The following EPX variants were observed in gnomAD, a reference collection of about 807,000 sequenced individuals.
EPX encodes the protein eosinophil peroxidase.
A neutral mutation model predicts 73.0 loss-of-function variants in EPX; 60 were observed. The ratio of observed to expected loss-of-function variants is 0.82; its 90% CI spans 0.67 to 1.02. The LOEUF (loss-of-function observed/expected upper bound fraction) is 1.02, where lower values mean the gene tolerates loss of function less well. Ranked by LOEUF, EPX falls within the 50% of genes least tolerant of loss-of-function variation. The pLI, the probability that EPX is intolerant of heterozygous loss-of-function variation, is 0.00. For missense variants in EPX, 950 were observed against 973.9 expected (o/e 0.98, Z 0.33); for synonymous variants, 347 against 389.2 (o/e 0.89, Z 1.28).
Position 58,199,544 on chromosome 17 carries a change from C to G in EPX, c.1287C>G (p.Ile429Met). The change falls in exon 9 of 13, where the codon ATC (isoleucine) becomes ATG (methionine). Residue 429 changes from isoleucine to methionine, a missense_variant. Coordinates refer to ENST00000225371, the MANE Select transcript of EPX (RefSeq NM_000502.6). ...RKIMGAMVQI[I>M]TYRDFLPLVL... ...CCTCCTGTCTTCCCTTCCAGATCAT[C>G]ACCTACCGAGACTTTCTGCCCCTGG... 1.9e-6 allele frequency: 3 copies of G among 1,614,204 alleles called. No homozygotes were observed. Among genetic ancestry groups the G allele is most frequent in the Non-Finnish European group, 2.5e-6 (3 of 1,180,046 alleles).
At position 58,200,380 on chromosome 17, in the gene EPX, G is replaced by A; in HGVS notation, c.1693G>A (p.Asp565Asn). 1 of 1,614,146 alleles carries A rather than the reference G, an allele frequency of 6.2e-7. No individual in the cohort carries two copies. Among genetic ancestry groups the A allele is most frequent in the Non-Finnish European group, 8.5e-7 (1 of 1,180,034 alleles). ...AGCTCTCAACATGCAACGAAGCCGG[G>A]ACCACGGCCTTCCAGGTGAGGGGGC... ...LAALNMQRSR[D>N]HGLPGYNAWR... The change falls in exon 10 of 13, where the codon GAC (aspartate) becomes AAC (asparagine). Residue 565 changes from aspartate (D) to asparagine (N), a missense_variant. Asp to Asn is a conservative substitution (Grantham distance 23). Coordinates refer to ENST00000225371, the MANE Select transcript of EPX (RefSeq NM_000502.6).
chr17:58,203,807 CT>C (rs1166323366), intron 11 of EPX, among the ~76,000 whole-genome samples: 2 of 149,758 alleles, frequency 1.3e-5, no homozygotes, highest in African/African-American at 4.9e-5. Flanking sequence ...TGGCGGGCGC[CT>C]GTAGTCCCGG....
In EPX at chr17:58,194,069, C is replaced by G. The variant is rs903413866; in HGVS notation, c.571C>G (p.Arg191Gly). Reference sequence around the variant, plus strand: ...CTTCGGCTGGACCCCCAGCAGGAGGCGCAATGGCTTCCTTCTCCCTCTTGT... The same window carrying G: ...CTTCGGCTGGACCCCCAGCAGGAGGGGCAATGGCTTCCTTCTCCCTCTTGT... ...LPFGWTPSRR[R>G]NGFLLPLVRA... Residue 191 changes from arginine (R) to glycine (G), a missense_variant, in exon 5 of 13, where the codon CGC (arginine) becomes GGC (glycine). Arg to Gly is a moderately radical substitution (Grantham distance 125, BLOSUM62 -2). Transcript: ENST00000225371. 6.2e-7 allele frequency: 1 copy of G among 1,613,448 alleles called. No homozygotes were observed. The highest frequency in any genetic ancestry group is 8.5e-7 in the Non-Finnish European group (1 of 1,179,992).
At chr17:58,197,580 T>C (rs959550194) in intron 7 of EPX, among the ~76,000 whole-genome samples, 4 of 152,218 alleles carry the variant, frequency 2.6e-5, no homozygotes, top group Non-Finnish European at 5.9e-5. Flanking sequence ...CTATTCCCCT[T>C]AATCATGCTT....
chr17:58,197,557 A>G (rs941504689), intron 7 of EPX, among the ~76,000 whole-genome samples: 2 of 152,146 alleles, frequency 1.3e-5, no homozygotes, highest in African/African-American at 4.8e-5. Context: ...CCTTATTTTG[A>G]TCACATATTC....
In EPX at chr17:58,199,744, A is replaced by G. The variant is rs1968313931; in HGVS notation, c.1487A>G (p.His496Arg). Residue 496 changes from histidine to arginine, a missense_variant, in exon 9 of 13, where the codon CAT becomes CGT. Transcript: ENST00000225371. ...SQYRASAPNS[H>R]VPLSSAFFAS... ...TACCGGGCCTCCGCACCCAACTCGC[A>G]TGTCCCACTTAGCTCTGCCTTCTTT... 4 of 1,613,490 alleles carry G rather than the reference A, an allele frequency of 2.5e-6. No homozygotes were observed. The highest frequency in any genetic ancestry group is 3.4e-6 in the Non-Finnish European group (4 of 1,179,998).
At chr17:58,199,267 A>T in intron 8 of EPX, 67 bp downstream of exon 8, 1 of 1,529,440 alleles carries the variant, frequency 6.5e-7, no homozygotes, top group South Asian at 1.1e-5. Flanking sequence ...TCCTTAACAC[A>T]TCCTTGCGGA....
At position 58,197,146 on chromosome 17, in the gene EPX, A is replaced by G. The variant is rs1222374075; in HGVS notation, c.1009A>G (p.Ile337Val). The change falls in exon 7 of 13, where the codon ATC (isoleucine) becomes GTC (valine). Residue 337 changes from isoleucine (I) to valine (V), a missense_variant. Ile to Val is a conservative substitution (Grantham distance 29). Coordinates refer to ENST00000225371, the MANE Select transcript of EPX (RefSeq NM_000502.6). Reference protein sequence around the residue: ...NRTNYLGLLAINQRFQDNGRA... With the variant: ...NRTNYLGLLAVNQRFQDNGRA... ...GACCAACTACCTGGGGCTGCTGGCC[A>G]TCAACCAGCGCTTTCAAGACAACGG... The G allele has an allele frequency of 1.9e-6, 3 of 1,614,140 alleles. No individual in the cohort carries two copies. Among genetic ancestry groups the G allele is most frequent in the African/African-American group, 1.3e-5 (1 of 75,016 alleles).
At position 58,193,421 on chromosome 17, in the gene EPX, C is replaced by A; in HGVS notation, c.221C>A (p.Ser74Tyr). The A allele has an allele frequency of 6.2e-7, 1 of 1,614,206 alleles. No homozygotes were observed. The highest frequency in any genetic ancestry group is 8.5e-7 in the Non-Finnish European group (1 of 1,180,024). The part of the protein sequence containing the change: ...SGSASPMDLL[S>Y]YFKQPVAATR... ...TCAGCCAGCCCCATGGACCTCCTGT[C>A]CTACTTCAAACAACCGGTAGCAGCC... Residue 74 changes from serine to tyrosine, a missense_variant, in exon 3 of 13, where the codon TCC becomes TAC. By Grantham distance (144) the Ser-to-Tyr change is moderately radical. Transcript: ENST00000225371.
chr17:58,193,278 C>T (rs955993682), intron 2 of EPX, 93 bp from the exon 3 acceptor site: 58 of 1,371,970 alleles, frequency 4.2e-5, no homozygotes, highest in Non-Finnish European at 5.1e-5. Flanking sequence ...TCCTTCTGTC[C>T]GCTTGCCCTG....
chr17:58,192,976 A>G, intron 1 of EPX, 54 bp downstream of exon 1: 1 of 1,598,860 alleles, frequency 6.3e-7, no homozygotes, highest in Non-Finnish European at 8.6e-7. Context: ...AAGGGGAAGC[A>G]CTTGGGTCTT....
rs777640435 is a variant in EPX, at chr17:58,195,092, C to T, written c.723C>T (p.Ser241=). Residue 241 remains serine (S), a synonymous_variant, in exon 6 of 13, where the codon TCC becomes TCT. Coordinates refer to ENST00000225371, the MANE Select transcript of EPX (RefSeq NM_000502.6). The stretch of plus-strand genomic sequence containing the variant: ...ATGACCTGGACTTCTCCCCGGAGTC[C>T]CCGGCCAGAGTGGCCTTCACTGCAG... ...IDHDLDFSPE[S]PARVAFTAGV... The T allele has an allele frequency of 2.1e-5, 34 of 1,614,044 alleles. No individual in the cohort carries two copies. In the East Asian group the frequency reaches 2.4e-4, roughly 12 times the overall value.
In EPX at chr17:58,199,228, C is replaced by T. The variant is rs1435805071; in HGVS notation, c.1281+28C>T. The stretch of plus-strand genomic sequence containing the variant: ...AAGGAGCTCTGCATCCCAGCATCCC[C>T]CAGATGACAAGCTTGGCATGAGAAG... On this transcript the variant is annotated intron_variant, in intron 8 of 12. Transcript: ENST00000225371. 5 of 1,610,016 alleles carry T rather than the reference C, an allele frequency of 3.1e-6. No homozygotes were observed. The Admixed American group carries it at 8.3e-5, about 27-fold the overall frequency.
intron 10 of EPX, chr17:58,202,791 A>T: frequency 2.2e-6 from 1 of 450,556 alleles, no homozygotes; most frequent in South Asian, 2.2e-5. Flanking sequence ...GAGCCCAGTA[A>T]TATCACTAAG....
chr17:58,203,376 C>T, intron 11 of EPX, 58 bp downstream of exon 11: 3 of 1,072,304 alleles, frequency 2.8e-6, no homozygotes, highest in Non-Finnish European at 4.4e-6. Flanking sequence ...AAAACACTAG[C>T]ATTTCAAGAC....
In EPX at chr17:58,194,992, G is replaced by C. The variant is rs200843597; in HGVS notation, c.623G>C (p.Arg208Pro). ...LVRAVSNQIVRFPNERLTSDR... is the reference protein window; with the variant it reads ...LVRAVSNQIVPFPNERLTSDR... ...CGGGCTGTCTCCAACCAGATTGTGC[G>C]CTTCCCCAATGAGAGACTGACCTCC... Residue 208 changes from arginine (R) to proline (P), a missense_variant, in exon 6 of 13, where the codon CGC becomes CCC. Coordinates refer to ENST00000225371, the MANE Select transcript of EPX (RefSeq NM_000502.6). The C allele has an allele frequency of 4.3e-6, 7 of 1,614,058 alleles. No homozygotes were observed. The Admixed American group carries it at 1.2e-4, about 27-fold the overall frequency.
rs1355523952 is a variant in EPX, at chr17:58,202,829, G to A, written c.1709-252G>A. ...TCGGATTTGTGGTTATGAGTTTTGG[G>A]TTAAAACAGCTTTTTAGGTTAGGAC... On this transcript the variant is annotated intron_variant, in intron 10 of 12. Transcript: ENST00000225371. The A allele has an allele frequency of 9.4e-6, 5 of 529,514 alleles. No homozygotes were observed. In the East Asian group the frequency reaches 1.3e-4, roughly 14 times the overall value. 32.8% of individuals were successfully genotyped at this position (529,514 alleles called of 1,614,324 possible). A position where few individuals can be genotyped will look rare whatever the true frequency, so the allele number is the denominator to read the frequency against.
At chr17:58,193,257 C>A (rs1968203463) in intron 2 of EPX, 114 bp from the exon 3 acceptor site, 1 of 1,257,432 alleles carries the variant, frequency 8.0e-7, no homozygotes, top group African/African-American at 1.5e-5. Context: ...GTAGAGCCTC[C>A]CTTCCATCCA....
rs755901112 is a variant in EPX at position 58,199,079 on chromosome 17, T to C, written c.1160T>C (p.Met387Thr). The C allele has an allele frequency of 1.9e-6, 3 of 1,614,076 alleles. No individual in the cohort carries two copies. The highest frequency in any genetic ancestry group is 1.1e-5 in the South Asian group (1 of 91,082). ...RSTETPKLAA[M>T]HTLFMREHNR... ...ACGGAAACCCCCAAACTGGCAGCCATGCACACCCTCTTTATGCGAGAGCAC... is the reference window on the plus strand; with the variant it reads ...ACGGAAACCCCCAAACTGGCAGCCACGCACACCCTCTTTATGCGAGAGCAC... Residue 387 changes from methionine to threonine, a missense_variant, in exon 8 of 13, where the codon ATG becomes ACG. By Grantham distance (81) the Met-to-Thr change is moderately conservative. Coordinates refer to ENST00000225371, the MANE Select transcript of EPX (RefSeq NM_000502.6).
Sources: allele counts gnomAD v4.1 joint callset (sites outside exome capture counted in the v4.1 genomes callset), GRCh38; gene constraint gnomAD v4.1.1; transcripts MANE v1.5; gene names NCBI Gene and HGNC (gene_info 2026-07-23, HGNC 2026-07-21).